Variants in CDH3 observed in about 807,000 individuals in gnomAD.
CDH3 encodes the protein cadherin-3.
Under a neutral mutation model 82.0 loss-of-function variants are expected in CDH3, and 54 were observed. The ratio of observed to expected loss-of-function variants is 0.66; its 90% CI spans 0.53 to 0.83. CDH3 has a LOEUF of 0.83. CDH3 is among the 40% of genes least tolerant of loss of function. The probability of loss-of-function intolerance (pLI) is 0.00; values close to 1 mark genes in which losing one functional copy is unlikely to be tolerated. For synonymous variants in CDH3, 446 were observed against 437.9 expected (o/e 1.02, Z -0.23); for missense variants, 1,054 against 1,084.6 (o/e 0.97, Z 0.40).
chr16:68,725,990 C>A (rs547624346), intron 2 of CDH3, among the ~76,000 whole-genome samples: 1 of 152,084 alleles, frequency 6.6e-6, no homozygotes, highest in Admixed American at 6.5e-5. Context: ...AGGAGGCAGA[C>A]GGAGGTTGCA....
intron 1 of CDH3, among the ~76,000 whole-genome samples, chr16:68,713,451 A>G (rs1349483474): frequency 6.6e-6 from 1 of 151,456 alleles, no homozygotes; most frequent in Non-Finnish European, 1.5e-5. Context: ...AGTGTTTCAG[A>G]GTCTGCTTAC....
chr16:68,728,085 A>G (rs1434886248), downstream of CDH3, among the ~76,000 whole-genome samples: 3 of 152,226 alleles, frequency 2.0e-5, no homozygotes, highest in Non-Finnish European at 4.4e-5. Context: ...AGCCTGATAC[A>G]TAATTGGCTT....
At position 68,676,676 on chromosome 16, in the gene CDH3, C is replaced by T. The variant is rs1961044129; in HGVS notation, c.246+206C>T. Among the ~76,000 whole-genome samples, 3 of 152,172 alleles carry T rather than the reference C, an allele frequency of 2.0e-5. No individual in the cohort carries two copies. In the South Asian group the frequency reaches 6.2e-4, roughly 32 times the overall value. On this transcript the variant is annotated intron_variant, in intron 3 of 15. Transcript: ENST00000264012. ...GCTTGCAGCTACCCAACAGTGGTGCCTGAGGTCAGGCCAGTGGAGCCAAGA... is the reference window on the plus strand; with the variant it reads ...GCTTGCAGCTACCCAACAGTGGTGCTTGAGGTCAGGCCAGTGGAGCCAAGA...
intron 2 of CDH3, among the ~76,000 whole-genome samples, chr16:68,675,820 A>C (rs1449212973): frequency 6.6e-6 from 1 of 152,012 alleles, no homozygotes; most frequent in Non-Finnish European, 1.5e-5. Flanking sequence ...AAAGAAAAAA[A>C]AGTGGGGGAT....
intron 15 of CDH3, among the ~76,000 whole-genome samples, chr16:68,697,376 G>A (rs1228217882): frequency 2.6e-5 from 4 of 152,082 alleles, no homozygotes; most frequent in African/African-American, 9.7e-5. Flanking sequence ...ACATATAGCA[G>A]TTGAATACTC....
intron 2 of CDH3, among the ~76,000 whole-genome samples, chr16:68,655,321 A>T (rs1960384024): frequency 6.6e-6 from 1 of 152,178 alleles, no homozygotes; most frequent in Non-Finnish European, 1.5e-5. Flanking sequence ...TTCAGCCAAC[A>T]AATGTCTGAG....
chr16:68,652,184 TGTGGCTCCGAGGA>T (rs977031876), intron 2 of CDH3, among the ~76,000 whole-genome samples: 10 of 152,144 alleles, frequency 6.6e-5, no homozygotes, highest in African/African-American at 2.4e-4. Context: ...TATCCATAAA[TGTGGCTCCGAGGA>T]GTGAATGGGA....
chr16:68,687,793 C>T, intron 12 of CDH3, 57 bp downstream of exon 12: 1 of 1,256,364 alleles, frequency 8.0e-7, no homozygotes, highest in Non-Finnish European at 1.2e-6. Flanking sequence ...TGGGCATCTG[C>T]CCCACACCAG....
intron 2 of CDH3, among the ~76,000 whole-genome samples, chr16:68,662,249 T>C (rs953131610): frequency 1.3e-5 from 2 of 152,166 alleles, no homozygotes; most frequent in Non-Finnish European, 2.9e-5. Flanking sequence ...GGGGTTATGC[T>C]GTATTTAAGA....
intron 2 of CDH3, among the ~76,000 whole-genome samples, chr16:68,652,639 G>T (rs1233831666): frequency 6.6e-6 from 1 of 152,094 alleles, no homozygotes; most frequent in Non-Finnish European, 1.5e-5. Flanking sequence ...GATGAACATC[G>T]CAAACTTAAA....
In CDH3 at chr16:68,684,791, C is replaced by T. The variant is rs1313813406; in HGVS notation, c.1391C>T (p.Ala464Val). 8.1e-6 allele frequency: 13 copies of T among 1,614,016 alleles called. No individual in the cohort carries two copies. Among genetic ancestry groups the T allele is most frequent in the Non-Finnish European group, 5.9e-6 (7 of 1,180,028 alleles). ...GGGGAGCCTGTGTGTGTCTACACTG[C>T]AGAAGACCCTGACAAGGAGAATCAA... ...PTGEPVCVYTAEDPDKENQKI... is the reference protein window; with the variant it reads ...PTGEPVCVYTVEDPDKENQKI... Residue 464 changes from alanine to valine, a missense_variant, in exon 10 of 16, where the codon GCA becomes GTA. By Grantham distance (64) the Ala-to-Val change is moderately conservative (BLOSUM62 0). Coordinates refer to ENST00000264012, the MANE Select transcript of CDH3 (RefSeq NM_001793.6).
intron 11 of CDH3, among the ~76,000 whole-genome samples, 199 bp from the exon 12 acceptor site, chr16:68,687,313 A>T (rs1045971576): frequency 6.6e-6 from 1 of 152,166 alleles, no homozygotes; most frequent in Admixed American, 6.6e-5. Flanking sequence ...AAGTGGCTGC[A>T]ACTGTGTCAT....
intron 2 of CDH3, among the ~76,000 whole-genome samples, chr16:68,723,710 C>A (rs1962187966): frequency 6.6e-6 from 1 of 152,086 alleles, no homozygotes. Flanking sequence ...GTGGGTGGAT[C>A]ACTTGAGTTT....
intron 13 of CDH3, among the ~76,000 whole-genome samples, 182 bp downstream of exon 13, chr16:68,692,108 C>G (rs552105156): frequency 1.4e-4 from 22 of 152,338 alleles, no homozygotes; most frequent in African/African-American, 5.3e-4. Context: ...ATGATCTCGG[C>G]TCATTGCAAC....
intron 2 of CDH3, among the ~76,000 whole-genome samples, chr16:68,659,930 C>T (rs890800376): frequency 6.6e-6 from 1 of 151,962 alleles, no homozygotes; most frequent in African/African-American, 2.4e-5. Flanking sequence ...TCACAGGCAT[C>T]TTTCCAGACT....
chr16:68,665,500 C>T (rs1449952384), intron 2 of CDH3, among the ~76,000 whole-genome samples: 1 of 152,106 alleles, frequency 6.6e-6, no homozygotes, highest in Admixed American at 6.5e-5. Flanking sequence ...ATTTTAGAGA[C>T]TGGAAATTAA....
At chr16:68,651,334 A>G (rs1006426872) in intron 2 of CDH3, 6 of 552,686 alleles carry the variant, frequency 1.1e-5, no homozygotes, top group Non-Finnish European at 2.2e-5. Context: ...ACCCATCTGG[A>G]GGCTGATGGT....
rs1472253492 is a variant in CDH3 at position 68,679,789 on chromosome 16, T to G, written c.692-10T>G. The stretch of plus-strand genomic sequence containing the variant: ...ACTGGGAGGAAAAGATACTCATCCC[T>G]TCTCTCCAGGTACTTCTGTGATGCA... On this transcript the variant is annotated splice_polypyrimidine_tract_variant and intron_variant, in intron 6 of 15. Coordinates refer to ENST00000264012, the MANE Select transcript of CDH3 (RefSeq NM_001793.6). 6 of 1,601,258 alleles carry G rather than the reference T, an allele frequency of 3.7e-6. No individual in the cohort carries two copies. Among genetic ancestry groups the G allele is most frequent in the Non-Finnish European group, 5.1e-6 (6 of 1,169,690 alleles).
At chr16:68,694,739 G>A (rs1329115226) in intron 13 of CDH3, among the ~76,000 whole-genome samples, 1 of 152,128 alleles carries the variant, frequency 6.6e-6, no homozygotes, top group Non-Finnish European at 1.5e-5. Flanking sequence ...GACATCTGGT[G>A]ACTAAAAGAG....
Sources: gnomAD v4.1 joint callset for allele counts (sites outside exome capture counted in the v4.1 genomes callset) on GRCh38, gnomAD v4.1.1 for gene constraint, MANE v1.5 for transcripts, NCBI Gene and HGNC (gene_info 2026-07-23, HGNC 2026-07-21) for gene names.